The following SCLT1 variants were observed in gnomAD, a reference collection of about 807,000 sequenced individuals.
The protein encoded by SCLT1 is sodium channel and clathrin linker 1.
In SCLT1, 78 loss-of-function variants were observed where a neutral mutation model predicts 112.8. The ratio of observed to expected loss-of-function variants is 0.69; its 90% CI spans 0.58 to 0.83. The LOEUF is 0.83. SCLT1 is among the 40% of genes least tolerant of loss of function. The pLI is 0.00. For synonymous variants in SCLT1, 257 were observed against 254.7 expected (o/e 1.01, Z -0.09); for missense variants, 747 against 770.4 (o/e 0.97, Z 0.36).
At chr4:128,904,161 T>A (rs1402578753) in intron 18 of SCLT1, among the ~76,000 whole-genome samples, 1 of 152,292 alleles carries the variant, frequency 6.6e-6, no homozygotes, top group Non-Finnish European at 1.5e-5. Context: ...CTCTATAATT[T>A]CTGGCTTATT....
At chr4:128,918,628 G>A (rs999121097) in intron 18 of SCLT1, among the ~76,000 whole-genome samples, 2 of 151,968 alleles carry the variant, frequency 1.3e-5, no homozygotes, top group African/African-American at 2.4e-5. Context: ...CAAATTAAAC[G>A]GCATAGAGTG....
chr4:129,004,502 CA>C (rs925637805), intron 5 of SCLT1, among the ~76,000 whole-genome samples: 1 of 150,166 alleles, frequency 6.7e-6, no homozygotes, highest in East Asian at 1.9e-4. Flanking sequence ...GCCTTAACTA[CA>C]AAAAAAAGCA....
intron 18 of SCLT1, among the ~76,000 whole-genome samples, chr4:128,894,813 G>C (rs1345497228): frequency 6.6e-6 from 1 of 152,066 alleles, no homozygotes; most frequent in African/African-American, 2.4e-5. Flanking sequence ...CAGTAGCTGG[G>C]ATTACAGGCA....
At chr4:129,047,951 G>A (rs1748349107) in intron 2 of SCLT1, among the ~76,000 whole-genome samples, 1 of 151,984 alleles carries the variant, frequency 6.6e-6, no homozygotes, top group Non-Finnish European at 1.5e-5. Context: ...TCATTCTGTT[G>A]ATTGTTTCCT....
chr4:129,084,053 G>T (rs1026405953), intron 1 of SCLT1, among the ~76,000 whole-genome samples: 6 of 152,152 alleles, frequency 3.9e-5, no homozygotes, highest in Non-Finnish European at 8.8e-5. Context: ...TTATTATAAT[G>T]AATGCTTACG....
At chr4:128,998,127 T>C (rs1743165399) in intron 7 of SCLT1, among the ~76,000 whole-genome samples, 188 bp from the exon 8 acceptor site, 1 of 151,816 alleles carries the variant, frequency 6.6e-6, no homozygotes. Context: ...ATTAAAAAAT[T>C]AAAGTGGCAA....
intron 2 of SCLT1, among the ~76,000 whole-genome samples, chr4:129,063,393 A>G (rs997405102): frequency 2.6e-5 from 4 of 152,226 alleles, no homozygotes; most frequent in Non-Finnish European, 5.9e-5. Flanking sequence ...TCCTAAGACT[A>G]TATGCTTTCT....
At chr4:129,062,012 C>T (rs1750028617) in intron 2 of SCLT1, among the ~76,000 whole-genome samples, 1 of 151,750 alleles carries the variant, frequency 6.6e-6, no homozygotes, top group African/African-American at 2.4e-5. Flanking sequence ...GGAGTTAATG[C>T]AGGCTGCATT....
chr4:129,002,448 T>G (rs113566004), intron 6 of SCLT1, among the ~76,000 whole-genome samples: 12 of 152,046 alleles, frequency 7.9e-5, no homozygotes, highest in Admixed American at 6.6e-5. Flanking sequence ...TAGAAAAATA[T>G]AGTACTCTTA....
rs1739517956 is a variant in SCLT1, at chr4:128,959,715, T to G, written c.932A>C (p.Gln311Pro). 1 of 1,613,528 alleles carries G rather than the reference T, an allele frequency of 6.2e-7. No homozygotes were observed. Among genetic ancestry groups the G allele is most frequent in the African/African-American group, 1.3e-5 (1 of 74,930 alleles). ...GCACTTTGCTTGTAGCTCTCTGGTC[T>G]GTTTTTCCAGATGTGTATTTTCGGT... ...LRTENTHLEKQTRELQAKCNE... is the reference protein window; with the variant it reads ...LRTENTHLEKPTRELQAKCNE... The change falls in exon 12 of 21, where the codon CAG (glutamine) becomes CCG (proline). Residue 311 changes from glutamine (Q) to proline (P), a missense_variant. Gln to Pro is a moderately conservative substitution (Grantham distance 76). This residue lies in a region of SCLT1 where 723 missense variants were observed against 721.3 expected (regional missense o/e 1.00). Coordinates refer to ENST00000281142, the MANE Select transcript of SCLT1 (RefSeq NM_144643.4).
chr4:128,943,629 T>G (rs1737901811), intron 16 of SCLT1, among the ~76,000 whole-genome samples: 1 of 152,176 alleles, frequency 6.6e-6, no homozygotes, highest in Admixed American at 6.5e-5. Context: ...TTTTATATTT[T>G]TCCATTATAT....
intron 5 of SCLT1, among the ~76,000 whole-genome samples, chr4:129,023,852 G>A (rs1269023158): frequency 4.6e-5 from 7 of 152,290 alleles, no homozygotes; most frequent in East Asian, 1.9e-4. Flanking sequence ...GCGCTTTTCC[G>A]ACGGGCTTAG....
intron 4 of SCLT1, chr4:128,875,107 C>A (rs931093594): frequency 2.6e-5 from 4 of 152,260 alleles, no homozygotes; most frequent in Non-Finnish European, 4.4e-5. Flanking sequence ...ATTTCTACCC[C>A]CTTTTTGAAA....
intron 6 of SCLT1, 151 bp downstream of exon 6, chr4:129,003,590 A>G (rs1397806347): frequency 5.2e-6 from 3 of 580,076 alleles, no homozygotes; most frequent in Non-Finnish European, 8.5e-6. Flanking sequence ...TATTTATTAC[A>G]AGTGTTGCTA....
intron 18 of SCLT1, among the ~76,000 whole-genome samples, chr4:128,909,904 CT>C (rs1176722556): frequency 3.2e-4 from 48 of 152,242 alleles, no homozygotes; most frequent in African/African-American, 1.2e-3. Context: ...AAACAGAAGT[CT>C]TTAAGTAGGC....
At chr4:128,972,344 A>G (rs1382850993) in intron 9 of SCLT1, 1 of 151,942 alleles carries the variant, frequency 6.6e-6, no homozygotes, top group African/African-American at 2.4e-5. Context: ...TACTTGTTTC[A>G]TGGGATTGCT....
At chr4:128,952,550 T>C (rs1413756872) in intron 14 of SCLT1, 1 of 575,924 alleles carries the variant, frequency 1.7e-6, no homozygotes, top group African/African-American at 1.9e-5. Context: ...AGACAGGTAG[T>C]TACAGTAAAA....
chr4:128,974,727 G>A lies in SCLT1; in HGVS notation c.687-4259C>T, dbSNP rs1038666636. The stretch of plus-strand genomic sequence containing the variant: ...AAAAATAATTCTAATATTATTTTAT[G>A]AAGAAACTCAATAATTATGTTTATA... On this transcript the variant is annotated intron_variant, in intron 9 of 20. Coordinates refer to ENST00000281142, the MANE Select transcript of SCLT1 (RefSeq NM_144643.4). 6.6e-5 allele frequency among the ~76,000 whole-genome samples: 10 copies of A among 152,050 alleles called. No homozygotes were observed. The East Asian group carries it at 1.9e-3, about 29-fold the overall frequency.
At chr4:129,008,125 C>T (rs1038289734) in intron 5 of SCLT1, among the ~76,000 whole-genome samples, 7 of 152,090 alleles carry the variant, frequency 4.6e-5, no homozygotes, top group Non-Finnish European at 5.9e-5. Flanking sequence ...AGTTTATACT[C>T]GTTAGATTTT....
Sources: allele counts gnomAD v4.1 joint callset (sites outside exome capture counted in the v4.1 genomes callset), GRCh38; gene constraint gnomAD v4.1.1; regional missense constraint gnomAD v4.1.1; transcripts MANE v1.5; gene names NCBI Gene and HGNC (gene_info 2026-07-23, HGNC 2026-07-21).